SLAMF8: variants seen among roughly 807,000 people sequenced by gnomAD.
The protein encoded by SLAMF8 is SLAM family member 8.
Under a neutral mutation model 29.0 loss-of-function variants are expected in SLAMF8, and 23 were observed. The observed-to-expected ratio is 0.79, with a 90% CI of 0.57 to 1.13. SLAMF8 has a LOEUF of 1.13. Ranked by LOEUF, SLAMF8 falls within the 50% of genes most tolerant of loss-of-function variation. The pLI is 0.00. For synonymous variants in SLAMF8, 139 were observed against 145.6 expected (o/e 0.96, Z 0.32); for missense variants, 381 against 353.1 (o/e 1.08, Z -0.63).
intron 1 of SLAMF8, 101 bp from the exon 2 acceptor site, chr1:159,829,750 GAGTGGAGGGAATGTC>G (rs1647329681): frequency 9.3e-7 from 1 of 1,080,912 alleles, no homozygotes; most frequent in Non-Finnish European, 1.3e-6. Context: ...ACCTCAACTT[GAGTGGAGGGAATGTC>G]AGTGGAGGGG....
In SLAMF8 at chr1:159,833,010, A is replaced by T. The variant is rs1040514202; in HGVS notation, c.502A>T (p.Thr168Ser). 16 of 1,614,174 alleles carry T rather than the reference A, an allele frequency of 9.9e-6. No homozygotes were observed. The highest frequency in any genetic ancestry group is 1.3e-5 in the Non-Finnish European group (15 of 1,180,028). The change falls in exon 3 of 5, where the codon ACA becomes TCA. Residue 168 changes from threonine (T) to serine (S), a missense_variant. Coordinates refer to ENST00000289707, the MANE Select transcript of SLAMF8 (RefSeq NM_020125.3). ...AATAACCTATAGCTGGCGACGGGAG[A>T]CAACCATGGACTTTGGTATGGAACC... is the stretch of plus-strand genomic sequence containing the variant. ...SEITYSWRRE[T>S]TMDFGMEPHS... is the part of the protein sequence containing the mutation.
rs115709765 is a variant in SLAMF8 at position 159,836,196 on chromosome 1, C to T, written c.*936C>T. On this transcript the variant is annotated 3_prime_UTR_variant, in exon 5 of 5. Transcript: ENST00000289707. ...ACCATAAAACGCTATGCAGAAGGAA[C>T]ATTATGGAGAGAAAGGGTACTGAGG... The T allele has an allele frequency of 4.0e-5, 39 of 985,418 alleles. No homozygotes were observed. Among genetic ancestry groups the T allele is most frequent in the Non-Finnish European group, 4.5e-5 (37 of 829,930 alleles). The allele number at this position is 985,418 out of a possible 1,614,324, so 61.0% of individuals were successfully genotyped here.
At position 159,833,192 on chromosome 1, in the gene SLAMF8, G is replaced by A; in HGVS notation, c.673+11G>A. 2 of 1,614,010 alleles carry A rather than the reference G, an allele frequency of 1.2e-6. No homozygotes were observed. The highest frequency in any genetic ancestry group is 1.7e-6 in the Non-Finnish European group (2 of 1,179,924). On this transcript the variant is annotated intron_variant, in intron 3 of 4. Transcript: ENST00000289707. ...GTCATCATGAGGCAGGTATGCTAAG[G>A]GCCAGCAGTCAGTGGTTGAGGGCTT...
rs891344107 is a variant in SLAMF8, at chr1:159,836,211, G to A, written c.*951G>A. On this transcript the variant is annotated 3_prime_UTR_variant, in exon 5 of 5. Coordinates refer to ENST00000289707, the MANE Select transcript of SLAMF8 (RefSeq NM_020125.3). ...GCAGAAGGAACATTATGGAGAGAAA[G>A]GGTACTGAGGCACTCTAGAATCTGC... is the stretch of plus-strand genomic sequence containing the variant. The A allele has an allele frequency of 4.1e-6, 4 of 985,442 alleles. No homozygotes were observed. The East Asian group carries it at 3.4e-4, about 84-fold the overall frequency. The allele number at this position is 985,442 out of a possible 1,614,324, so 61.0% of individuals were successfully genotyped here.
rs1647842189 is a variant in SLAMF8, at chr1:159,835,352, T to C, written c.*92T>C. ...CATAACTGGTGCCTGGAAATCACCATGGTCCTCATATCTCCCATGGGAATC... is the reference window on the plus strand; with the variant it reads ...CATAACTGGTGCCTGGAAATCACCACGGTCCTCATATCTCCCATGGGAATC... On this transcript the variant is annotated 3_prime_UTR_variant, in exon 5 of 5. Transcript: ENST00000289707. 3 of 1,511,196 alleles carry C rather than the reference T, an allele frequency of 2.0e-6. No homozygotes were observed. The highest frequency in any genetic ancestry group is 2.5e-5 in the East Asian group (1 of 40,800). The allele number at this position is 1,511,196 out of a possible 1,614,324, so 93.6% of individuals were successfully genotyped here.
Position 159,829,911 on chromosome 1 carries a change from T to G in SLAMF8, c.86T>G (p.Val29Gly). 6.2e-7 allele frequency: 1 copy of G among 1,614,066 alleles called. No homozygotes were observed. The highest frequency in any genetic ancestry group is 1.1e-5 in the South Asian group (1 of 91,076). ...TVTGAQVLSKVGGSVLLVAAR... is the reference protein window; with the variant it reads ...TVTGAQVLSKGGGSVLLVAAR... ...ACTGGTGCCCAAGTGCTGAGCAAAG[T>G]CGGGGGCTCGGTGCTGCTGGTGGCA... The change falls in exon 2 of 5, where the codon GTC becomes GGC. Residue 29 changes from valine to glycine, a missense_variant. Physicochemically the swap from Val to Gly is moderately radical, Grantham distance 109. Coordinates refer to ENST00000289707, the MANE Select transcript of SLAMF8 (RefSeq NM_020125.3).
At chr1:159,833,925 G>C (rs892736177) in intron 4 of SLAMF8, among the ~76,000 whole-genome samples, 21 of 152,300 alleles carry the variant, frequency 1.4e-4, no homozygotes, top group African/African-American at 4.1e-4. Flanking sequence ...ATTGTTGAGT[G>C]GGAGTCTAAA....
rs541488220 is a variant in SLAMF8 at position 159,837,124 on chromosome 1, A to T, written c.*1864A>T. ...TCAAAGCAGCTCTGGATGAGATGGG[A>T]CCTGCAGCTCTCCCTCCACAAGGTG... On this transcript the variant is annotated 3_prime_UTR_variant, in exon 5 of 5. Coordinates refer to ENST00000289707, the MANE Select transcript of SLAMF8 (RefSeq NM_020125.3). 18 of 985,424 alleles carry T rather than the reference A, an allele frequency of 1.8e-5. No individual in the cohort carries two copies. Among genetic ancestry groups the T allele is most frequent in the Middle Eastern group, 1.0e-3 (2 of 1,914 alleles). The allele number at this position is 985,424 out of a possible 1,614,324, so 61.0% of individuals were successfully genotyped here. A position where few individuals can be genotyped will look rare whatever the true frequency, so the allele number is the denominator to read the frequency against.
chr1:159,837,341 C>T lies in SLAMF8; in HGVS notation c.*2081C>T, dbSNP rs952827038. 5.1e-6 allele frequency: 5 copies of T among 971,190 alleles called. No homozygotes were observed. The African/African-American group carries it at 7.0e-5, about 14-fold the overall frequency. The allele number at this position is 971,190 out of a possible 1,614,324, so 60.2% of individuals were successfully genotyped here. A position where few individuals can be genotyped will look rare whatever the true frequency, so the allele number is the denominator to read the frequency against. On this transcript the variant is annotated 3_prime_UTR_variant, in exon 5 of 5. Transcript: ENST00000289707. The stretch of plus-strand genomic sequence containing the variant: ...AATTTTGTGCTAATGAGCATTGAGA[C>T]TGATGCTTTGTAAGTCACACCACAA...
chr1:159,837,366 A>G lies in SLAMF8; in HGVS notation c.*2106A>G. The G allele has an allele frequency of 1.1e-6, 1 of 938,606 alleles. No homozygotes were observed. The highest frequency in any genetic ancestry group is 1.3e-6 in the Non-Finnish European group (1 of 787,268). 58.1% of individuals were successfully genotyped at this position (938,606 alleles called of 1,614,324 possible). ...CTGATGCTTTGTAAGTCACACCACA[A>G]CAAATATTGATTGAGGGCGCTGCAT... On this transcript the variant is annotated 3_prime_UTR_variant, in exon 5 of 5. Coordinates refer to ENST00000289707, the MANE Select transcript of SLAMF8 (RefSeq NM_020125.3).
At chr1:159,831,627 A>T (rs61823171) in intron 2 of SLAMF8, among the ~76,000 whole-genome samples, 1 of 152,186 alleles carries the variant, frequency 6.6e-6, no homozygotes, top group Non-Finnish European at 1.5e-5. Context: ...CCACACCACT[A>T]AGCTCTAAAA....
rs1004879715 is a variant in SLAMF8 at position 159,835,905 on chromosome 1, C to T, written c.*645C>T. On this transcript the variant is annotated 3_prime_UTR_variant, in exon 5 of 5. Coordinates refer to ENST00000289707, the MANE Select transcript of SLAMF8 (RefSeq NM_020125.3). ...AAAGGTAAATTGCAGTTGTAGACAC[C>T]GAGGATGGTTGACAACCCATGGTTG... is the stretch of plus-strand genomic sequence containing the variant. 2.0e-6 allele frequency: 2 copies of T among 985,360 alleles called. No individual in the cohort carries two copies. Among genetic ancestry groups the T allele is most frequent in the South Asian group, 4.7e-5 (1 of 21,272 alleles). 61.0% of individuals were successfully genotyped at this position (985,360 alleles called of 1,614,324 possible). A position where few individuals can be genotyped will look rare whatever the true frequency, so the allele number is the denominator to read the frequency against.
intron 1 of SLAMF8, among the ~76,000 whole-genome samples, chr1:159,828,479 TTCA>T (rs1054358363): frequency 7.2e-5 from 11 of 152,092 alleles, no homozygotes; most frequent in African/African-American, 2.4e-4. Flanking sequence ...TGACCAAAAC[TTCA>T]TCACCTCTTA....
intron 4 of SLAMF8, chr1:159,834,617 A>G (rs972599229): frequency 3.3e-5 from 5 of 152,140 alleles, no homozygotes; most frequent in African/African-American, 1.2e-4. Flanking sequence ...CATTTCTATT[A>G]CCTCCCCCAA....
chr1:159,829,109 GTT>G (rs772180062), intron 1 of SLAMF8, among the ~76,000 whole-genome samples: 213 of 152,134 alleles, frequency 1.4e-3, no homozygotes, highest in Admixed American at 2.9e-3. Context: ...TCCCATCCCG[GTT>G]GCTCCCTTCC....
chr1:159,829,594 A>G (rs1310120505), intron 1 of SLAMF8, among the ~76,000 whole-genome samples: 1 of 152,194 alleles, frequency 6.6e-6, no homozygotes, highest in African/African-American at 2.4e-5. Context: ...GTGTTCTCCC[A>G]GGGCATCTCA....
chr1:159,832,287 T>C (rs1482512431), intron 2 of SLAMF8, among the ~76,000 whole-genome samples: 1 of 152,248 alleles, frequency 6.6e-6, no homozygotes, highest in Non-Finnish European at 1.5e-5. Flanking sequence ...AATCATTTTG[T>C]ATTTGTCTTT....
At chr1:159,831,500 T>A (rs527842407) in intron 2 of SLAMF8, among the ~76,000 whole-genome samples, 1 of 151,674 alleles carries the variant, frequency 6.6e-6, no homozygotes, top group African/African-American at 2.4e-5. Context: ...CCAATGTCCT[T>A]GTGTAGTGAA....
Position 159,833,142 on chromosome 1 carries a change from G to T in SLAMF8, c.634G>T (p.Ala212Ser). The change falls in exon 3 of 5, where the codon GCC becomes TCC. Residue 212 changes from alanine to serine, a missense_variant. Ala to Ser is a moderately conservative substitution (Grantham distance 99). Coordinates refer to ENST00000289707, the MANE Select transcript of SLAMF8 (RefSeq NM_020125.3). ...CTCCAACCCTGTCAGCTGGGACTTG[G>T]CCACAGTCACGCCCTGGGATAGCTG... ...IVSNPVSWDL[A>S]TVTPWDSCHH... 3 of 1,614,140 alleles carry T rather than the reference G, an allele frequency of 1.9e-6. No homozygotes were observed. Among genetic ancestry groups the T allele is most frequent in the Non-Finnish European group, 2.5e-6 (3 of 1,180,038 alleles).
Sources: gnomAD v4.1 joint callset for allele counts (sites outside exome capture counted in the v4.1 genomes callset) on GRCh38, gnomAD v4.1.1 for gene constraint, MANE v1.5 for transcripts, NCBI Gene and HGNC (gene_info 2026-07-23, HGNC 2026-07-21) for gene names.